The following CACNA1C variants were observed in gnomAD, a reference collection of about 807,000 sequenced individuals.
CACNA1C encodes voltage-dependent L-type calcium channel subunit alpha-1C.
In CACNA1C, 30 loss-of-function variants were observed where a neutral mutation model predicts 229.0. That is an observed-to-expected ratio of 0.13 (90% CI 0.10 to 0.18). The LOEUF is 0.18. CACNA1C is among the 10% of genes least tolerant of loss of function. CACNA1C has a pLI of 1.00. For synonymous variants in CACNA1C, 1,114 were observed against 1,132.5 expected (o/e 0.98, Z 0.33); for missense variants, 1,658 against 2,845.0 (o/e 0.58, Z 9.49).
At chr12:2,455,162 T>C (rs1269699225) in intron 4 of CACNA1C, among the ~76,000 whole-genome samples, 2 of 152,216 alleles carry the variant, frequency 1.3e-5, no homozygotes, top group African/African-American at 2.4e-5. Flanking sequence ...TCCCATCACA[T>C]AGAAAACTGC....
intron 9 of CACNA1C, among the ~76,000 whole-genome samples, chr12:2,548,865 T>C (rs1034248304): frequency 1.7e-4 from 26 of 152,182 alleles, no homozygotes; most frequent in African/African-American, 6.3e-4. Flanking sequence ...AGATTCTGTG[T>C]CTGCTGAGGG....
chr12:2,355,109 C>G (rs928972409), intron 3 of CACNA1C, among the ~76,000 whole-genome samples: 1 of 152,168 alleles, frequency 6.6e-6, no homozygotes, highest in East Asian at 1.9e-4. Flanking sequence ...TCATGCTTAC[C>G]TTCTACCGCA....
rs976025754 is a variant in CACNA1C at position 2,632,441 on chromosome 12, C to T, written c.3829-1856C>T. On this transcript the variant is annotated intron_variant, in intron 29 of 46. Transcript: ENST00000399655. This position sits in a 1 kb window ranked among gnomAD's most constrained non-coding sequence, Gnocchi z 4.1. Reference sequence around the variant, plus strand: ...CCAAGAAATCCATCTGCTAAAGAGTCCACTCATCCAGGACACCTGGGGTCC... The same window carrying T: ...CCAAGAAATCCATCTGCTAAAGAGTTCACTCATCCAGGACACCTGGGGTCC... 1.3e-5 allele frequency among the ~76,000 whole-genome samples: 2 copies of T among 152,182 alleles called. No individual in the cohort carries two copies. Among genetic ancestry groups the T allele is most frequent in the Non-Finnish European group, 2.9e-5 (2 of 68,024 alleles).
chr12:2,465,721 G>A (rs769375079), intron 5 of CACNA1C, among the ~76,000 whole-genome samples: 1 of 152,118 alleles, frequency 6.6e-6, no homozygotes, highest in Non-Finnish European at 1.5e-5. Context: ...TAAGTGTCTT[G>A]GAAATCTACA....
intron 9 of CACNA1C, among the ~76,000 whole-genome samples, chr12:2,521,479 G>A (rs1325019649): frequency 6.6e-6 from 1 of 152,192 alleles, no homozygotes; most frequent in African/African-American, 2.4e-5. Flanking sequence ...GCAGGGTGTG[G>A]AGCATGAAGG....
At position 1,996,653 on chromosome 12, in the gene CACNA1C, A is replaced by C. The variant is rs1200027976; in HGVS notation, c.139+25452A>C. Among the ~76,000 whole-genome samples the C allele has an allele frequency of 8.5e-3, 313 of 36,644 alleles. 5 individuals are homozygous for C. The highest frequency in any genetic ancestry group is 0.039 in the African/African-American group (219 of 5,596). 24.0% of individuals were successfully genotyped at this position (36,644 alleles called of 152,430 possible). A position where few individuals can be genotyped will look rare whatever the true frequency, so the allele number is the denominator to read the frequency against. On this transcript the variant is annotated intron_variant, in intron 1 of 46. Transcript: ENST00000682462. Reference sequence around the variant, plus strand: ...AAAAAAAAAAAAAAAAAAAAAAAAAAAACAACAAACTCTTCTAATGTTTTA... The same window carrying C: ...AAAAAAAAAAAAAAAAAAAAAAAAACAACAACAAACTCTTCTAATGTTTTA...
At chr12:2,638,047 G>A (rs1047208088) in intron 30 of CACNA1C, among the ~76,000 whole-genome samples, 9 of 152,144 alleles carry the variant, frequency 5.9e-5, no homozygotes, top group African/African-American at 1.2e-4. Context: ...GTCAGGCACC[G>A]TTTGAGGCAC....
intron 1 of CACNA1C, among the ~76,000 whole-genome samples, chr12:1,984,838 T>C (rs2037226180): frequency 6.6e-6 from 1 of 151,612 alleles, no homozygotes; most frequent in South Asian, 2.1e-4. Context: ...AGTATATGTC[T>C]TTATTTCACC....
chr12:2,073,533 C>T (rs1315126504), intron 1 of CACNA1C, among the ~76,000 whole-genome samples: 2 of 152,320 alleles, frequency 1.3e-5, no homozygotes, highest in African/African-American at 4.8e-5. Context: ...TGCCAGGAGA[C>T]AGCACAGGTG....
intron 3 of CACNA1C, among the ~76,000 whole-genome samples, chr12:2,344,782 T>A (rs185089433): frequency 4.3e-4 from 65 of 152,216 alleles, no homozygotes; most frequent in Non-Finnish European, 8.1e-4. Context: ...CATGTTTTTT[T>A]ATTTGAATGT....
At chr12:2,364,058 A>G (rs1379281467) in intron 3 of CACNA1C, among the ~76,000 whole-genome samples, 1 of 152,320 alleles carries the variant, frequency 6.6e-6, no homozygotes, top group African/African-American at 2.4e-5. Context: ...CTCCAAGGAC[A>G]GCCTAACTCA....
At chr12:2,405,079 G>C (rs746903171) in intron 3 of CACNA1C, among the ~76,000 whole-genome samples, 1 of 152,196 alleles carries the variant, frequency 6.6e-6, no homozygotes, top group African/African-American at 2.4e-5. Flanking sequence ...GCTACTCCCT[G>C]TGGGATATCT....
At chr12:2,220,235 G>C (rs2061099620) in intron 3 of CACNA1C, among the ~76,000 whole-genome samples, 1 of 152,180 alleles carries the variant, frequency 6.6e-6, no homozygotes, top group Non-Finnish European at 1.5e-5. Flanking sequence ...ACTCCTTTGA[G>C]CTGAGCTTAA....
chr12:2,493,484 C>A lies in CACNA1C; in HGVS notation c.1113+98C>A. On this transcript the variant is annotated intron_variant, in intron 7 of 46. Transcript: ENST00000399655. The surrounding 1 kb of genome is among the most constrained non-coding windows in gnomAD (Gnocchi z 4.6). ...CTCCTCCTCCCCATGGTCTTGGGGT[C>A]ACATACGCATCTTGATGGAATGGTT... 1 of 857,888 alleles carries A rather than the reference C, an allele frequency of 1.2e-6. No individual in the cohort carries two copies. Among genetic ancestry groups the A allele is most frequent in the South Asian group, 1.5e-5 (1 of 64,746 alleles). 53.1% of individuals were successfully genotyped at this position (857,888 alleles called of 1,614,324 possible).
chr12:2,296,042 C>G (rs2094005985), intron 3 of CACNA1C, among the ~76,000 whole-genome samples: 1 of 152,190 alleles, frequency 6.6e-6, no homozygotes, highest in Non-Finnish European at 1.5e-5. Context: ...CCAGAATGGT[C>G]AGAAAAATGA....
intron 5 of CACNA1C, among the ~76,000 whole-genome samples, chr12:2,476,444 C>T (rs1490017231): frequency 2.0e-5 from 3 of 152,172 alleles, no homozygotes; most frequent in East Asian, 1.9e-4. Context: ...TGTATTAAGA[C>T]GGCTGGGGAA....
chr12:2,454,564 G>A (rs2099404879), intron 4 of CACNA1C, among the ~76,000 whole-genome samples: 1 of 152,078 alleles, frequency 6.6e-6, no homozygotes, highest in African/African-American at 2.4e-5. Flanking sequence ...TGTTTATCTT[G>A]CACACCTGGA....
chr12:2,439,790 T>C (rs1290519115), intron 3 of CACNA1C, among the ~76,000 whole-genome samples: 2 of 152,170 alleles, frequency 1.3e-5, no homozygotes, highest in African/African-American at 4.8e-5. Flanking sequence ...CCTCAATTGC[T>C]GCTTGCCCTC....
At chr12:2,450,301 T>TC (rs1335454475) in intron 4 of CACNA1C, among the ~76,000 whole-genome samples, 3 of 152,048 alleles carry the variant, frequency 2.0e-5, no homozygotes, top group African/African-American at 7.3e-5. Context: ...ACACCTGTAA[T>TC]CCCAGCACTT....
Sources: gnomAD v4.1 joint callset for allele counts (sites outside exome capture counted in the v4.1 genomes callset) on GRCh38, gnomAD v4.1.1 for gene constraint, Gnocchi (gnomAD v3.1) non-coding constraint, MANE v1.5 for transcripts, NCBI Gene and HGNC (gene_info 2026-07-23, HGNC 2026-07-21) for gene names.